SND1: variants seen among roughly 807,000 people sequenced by gnomAD.
The protein encoded by SND1 is staphylococcal nuclease and tudor domain containing 1, also known as staphylococcal nuclease domain-containing protein 1.
A neutral mutation model predicts 121.7 loss-of-function variants in SND1; 38 were observed. That is an observed-to-expected ratio of 0.31 (90% CI 0.24 to 0.41). The LOEUF is 0.41. SND1 is among the 10% of genes least tolerant of loss of function. SND1 has a pLI of 1.00. For synonymous variants in SND1, 401 were observed against 447.4 expected (o/e 0.90, Z 1.31); for missense variants, 868 against 1,184.6 (o/e 0.73, Z 3.92).
chr7:127,931,205 C>G (rs1800950714), intron 15 of SND1, among the ~76,000 whole-genome samples: 1 of 152,110 alleles, frequency 6.6e-6, no homozygotes, highest in Non-Finnish European at 1.5e-5. Context: ...GCAGATCAGC[C>G]TGGGCAACAT....
chr7:127,865,477 T>C (rs1208380475), intron 12 of SND1, among the ~76,000 whole-genome samples: 2 of 152,226 alleles, frequency 1.3e-5, no homozygotes, highest in Non-Finnish European at 2.9e-5. Flanking sequence ...GTGTTCTTTG[T>C]AAGTGCCATA....
intron 16 of SND1, among the ~76,000 whole-genome samples, chr7:128,013,359 A>G (rs1482013851): frequency 1.3e-5 from 2 of 152,194 alleles, no homozygotes; most frequent in Non-Finnish European, 2.9e-5. Flanking sequence ...GTTCCCCAGC[A>G]CCTGGCAGGG....
At chr7:127,732,518 A>C (rs1046431479) in intron 10 of SND1, among the ~76,000 whole-genome samples, 1 of 152,224 alleles carries the variant, frequency 6.6e-6, no homozygotes, top group African/African-American at 2.4e-5. Flanking sequence ...CTGCAAATGA[A>C]TGCTTAGCAT....
chr7:127,774,954 T>TG (rs1448692285), intron 10 of SND1, among the ~76,000 whole-genome samples: 1 of 152,248 alleles, frequency 6.6e-6, no homozygotes, highest in African/African-American at 2.4e-5. Context: ...GTGTTACAGT[T>TG]GCCTACACTA....
At chr7:128,009,773 CTTT>C (rs35016140) in intron 16 of SND1, among the ~76,000 whole-genome samples, 4 of 144,908 alleles carry the variant, frequency 2.8e-5, no homozygotes, top group Admixed American at 6.9e-5. Flanking sequence ...TTCTCAATAA[CTTT>C]TTTTTTTTTT....
chr7:127,758,360 T>C (rs1455466449), intron 10 of SND1, among the ~76,000 whole-genome samples: 1 of 152,218 alleles, frequency 6.6e-6, no homozygotes, highest in Non-Finnish European at 1.5e-5. Flanking sequence ...CTGTTCTCCC[T>C]ACTTACTTTA....
intron 14 of SND1, among the ~76,000 whole-genome samples, chr7:127,916,542 A>AT (rs943666081): frequency 4.6e-5 from 7 of 152,200 alleles, no homozygotes; most frequent in Admixed American, 2.6e-4. Context: ...TCCAGAGAAT[A>AT]TTAAGAGAGA....
At chr7:128,003,844 G>A (rs967787676) in intron 16 of SND1, among the ~76,000 whole-genome samples, 2 of 152,158 alleles carry the variant, frequency 1.3e-5, no homozygotes, top group Non-Finnish European at 2.9e-5. Flanking sequence ...CCCTTTCACA[G>A]CCAAGCTCCC....
At chr7:128,003,791 G>A (rs1214695994) in intron 16 of SND1, among the ~76,000 whole-genome samples, 1 of 152,210 alleles carries the variant, frequency 6.6e-6, no homozygotes, top group Non-Finnish European at 1.5e-5. Flanking sequence ...TGCCTTGTGG[G>A]AGGGGACTGG....
chr7:127,860,301 C>G (rs1324403197), intron 12 of SND1, among the ~76,000 whole-genome samples: 1 of 152,212 alleles, frequency 6.6e-6, no homozygotes, highest in South Asian at 2.1e-4. Context: ...AATGAAGCCA[C>G]AAGTTTCCTG....
chr7:127,816,486 C>T (rs1798443696), intron 11 of SND1, among the ~76,000 whole-genome samples: 1 of 152,070 alleles, frequency 6.6e-6, no homozygotes, highest in Non-Finnish European at 1.5e-5. Flanking sequence ...CTGGCTTCAA[C>T]AAGTGGGCTG....
chr7:127,857,777 C>T (rs956293305), intron 12 of SND1: 1 of 674,000 alleles, frequency 1.5e-6, no homozygotes, highest in African/African-American at 1.8e-5. Context: ...TTCCTCACTG[C>T]CTGAGACACT....
intron 12 of SND1, among the ~76,000 whole-genome samples, chr7:127,851,957 A>C (rs1281915632): frequency 6.6e-6 from 1 of 152,004 alleles, no homozygotes; most frequent in Non-Finnish European, 1.5e-5. Context: ...AGGAGTTCGA[A>C]TCCAGCCTGG....
chr7:127,865,034 T>C (rs1799444179), intron 12 of SND1, among the ~76,000 whole-genome samples: 1 of 152,266 alleles, frequency 6.6e-6, no homozygotes, highest in Non-Finnish European at 1.5e-5. Flanking sequence ...TCTGTCATTA[T>C]GCTAATTCTG....
At chr7:127,869,802 AC>A (rs1338940688) in intron 12 of SND1, among the ~76,000 whole-genome samples, 1 of 152,086 alleles carries the variant, frequency 6.6e-6, no homozygotes, top group Non-Finnish European at 1.5e-5. Flanking sequence ...CCCTAGTGCC[AC>A]CCCTTCTACC....
At chr7:127,835,840 G>T (rs1290312949) in intron 11 of SND1, among the ~76,000 whole-genome samples, 1 of 152,052 alleles carries the variant, frequency 6.6e-6, no homozygotes, top group Non-Finnish European at 1.5e-5. Context: ...GTCAAAATTT[G>T]ATGTTTATAT....
rs1193156718 is a variant in SND1, at chr7:127,721,354, A to T, written c.1106A>T (p.His369Leu). 6.2e-7 allele frequency: 1 copy of T among 1,612,980 alleles called. No individual in the cohort carries two copies. Among genetic ancestry groups the T allele is most frequent in the Non-Finnish European group, 8.5e-7 (1 of 1,179,678 alleles). Residue 369 changes from histidine (H) to leucine (L), a missense_variant, in exon 10 of 24, where the codon CAC becomes CTC. Coordinates refer to ENST00000354725, the MANE Select transcript of SND1 (RefSeq NM_014390.4). ...AACTCAGGCGATTACAAGACGATTC[A>T]CCTGTCCAGCATCCGACCACCGAGG... ...KLNSGDYKTI[H>L]LSSIRPPRLE...
chr7:128,077,832 A>G (rs1216572439), intron 17 of SND1, among the ~76,000 whole-genome samples: 1 of 152,242 alleles, frequency 6.6e-6, no homozygotes, highest in Non-Finnish European at 1.5e-5. Context: ...CTCTTTGGCC[A>G]TAGAGGCTCT....
chr7:127,899,297 CA>C (rs1800182044), intron 13 of SND1, among the ~76,000 whole-genome samples: 1 of 151,984 alleles, frequency 6.6e-6, no homozygotes, highest in Non-Finnish European at 1.5e-5. Context: ...CACACACACA[CA>C]CATTATACTA....
Sources: allele counts gnomAD v4.1 joint callset (sites outside exome capture counted in the v4.1 genomes callset), GRCh38; gene constraint gnomAD v4.1.1; transcripts MANE v1.5; gene names NCBI Gene and HGNC (gene_info 2026-07-23, HGNC 2026-07-21).